Variants in CPE observed in about 807,000 individuals in gnomAD.
CPE encodes carboxypeptidase E.
In CPE, 17 loss-of-function variants were observed where a neutral mutation model predicts 53.5. The ratio of observed to expected loss-of-function variants is 0.32; its 90% CI spans 0.22 to 0.48. CPE has a LOEUF of 0.48. Ranked by LOEUF, CPE falls within the 20% of genes least tolerant of loss-of-function variation. CPE has a pLI of 0.99. For missense variants in CPE, 524 were observed against 614.7 expected (o/e 0.85, Z 1.56); for synonymous variants, 226 against 228.8 (o/e 0.99, Z 0.11).
intron 1 of CPE, among the ~76,000 whole-genome samples, chr4:165,384,329 TC>T (rs1730552663): frequency 6.6e-6 from 1 of 152,226 alleles, no homozygotes; most frequent in Non-Finnish European, 1.5e-5. Flanking sequence ...GTATAAGATT[TC>T]CCAGGCTTTT....
intron 1 of CPE, among the ~76,000 whole-genome samples, chr4:165,391,693 G>A (rs1730682036): frequency 6.6e-6 from 1 of 152,234 alleles, no homozygotes; most frequent in African/African-American, 2.4e-5. Context: ...TAGCGCGAAT[G>A]TACTTATTTA....
At chr4:165,460,855 G>A (rs1182973117) in intron 1 of CPE, among the ~76,000 whole-genome samples, 1 of 152,086 alleles carries the variant, frequency 6.6e-6, no homozygotes, top group Non-Finnish European at 1.5e-5. Flanking sequence ...ACACACTGGT[G>A]AGCTAAAATA....
chr4:165,481,393 C>T (rs1732409256), intron 3 of CPE, among the ~76,000 whole-genome samples: 1 of 152,056 alleles, frequency 6.6e-6, no homozygotes, highest in Non-Finnish European at 1.5e-5. Context: ...ACCATCAAAC[C>T]CTACTGATGC....
At chr4:165,468,071 T>C (rs748513122) in intron 3 of CPE, among the ~76,000 whole-genome samples, 1 of 152,102 alleles carries the variant, frequency 6.6e-6, no homozygotes, top group African/African-American at 2.4e-5. Flanking sequence ...GGTGCAGATA[T>C]AGGGAGGAAC....
intron 1 of CPE, among the ~76,000 whole-genome samples, chr4:165,386,995 TA>T (rs1730604768): frequency 2.0e-5 from 3 of 152,244 alleles, no homozygotes; most frequent in Admixed American, 2.0e-4. Flanking sequence ...GAAACATGTT[TA>T]AATTTGCCCT....
chr4:165,482,486 T>A, intron 4 of CPE, 127 bp downstream of exon 4: 1 of 661,800 alleles, frequency 1.5e-6, no homozygotes, highest in Non-Finnish European at 2.7e-6. Context: ...AAGAAAGAAC[T>A]ATGTTTAACA....
At chr4:165,398,678 A>G (rs2126659859) in intron 1 of CPE, among the ~76,000 whole-genome samples, 1 of 152,306 alleles carries the variant, frequency 6.6e-6, no homozygotes, top group East Asian at 1.9e-4. Context: ...CTTGACTTGA[A>G]AATCCAATAT....
intron 1 of CPE, among the ~76,000 whole-genome samples, chr4:165,393,671 C>T (rs72701673): frequency 0.032 from 4,816 of 152,226 alleles, 131 homozygotes; most frequent in South Asian, 0.082. Flanking sequence ...ATAACTATTT[C>T]TTACTGGTCA....
intron 1 of CPE, among the ~76,000 whole-genome samples, chr4:165,396,966 C>T (rs1035267339): frequency 4.6e-5 from 7 of 151,576 alleles, no homozygotes; most frequent in Non-Finnish European, 7.4e-5. Flanking sequence ...GAGGCTGAGG[C>T]GGGAGGATGG....
chr4:165,407,970 T>C (rs1730979221), intron 1 of CPE, among the ~76,000 whole-genome samples: 2 of 152,044 alleles, frequency 1.3e-5, no homozygotes, highest in African/African-American at 4.8e-5. Context: ...CATGTGGCAC[T>C]GCACCTGGGG....
chr4:165,471,110 C>A (rs919998272), intron 3 of CPE, among the ~76,000 whole-genome samples: 1 of 152,122 alleles, frequency 6.6e-6, no homozygotes. Context: ...GGAGTGAGGA[C>A]AACTCCAAAA....
rs1295539764 is a variant in CPE at position 165,379,183 on chromosome 4, C to A, written c.-39C>A. ...GGCCGGGCAGACAAAAGAGGCCGCC[C>A]GCGTAGGAAGGCACGGCCGGCGGCG... On this transcript the variant is annotated 5_prime_UTR_variant, in exon 1 of 9. Coordinates refer to ENST00000402744, the MANE Select transcript of CPE (RefSeq NM_001873.4). This position sits in a 1 kb window ranked among gnomAD's most constrained non-coding sequence, Gnocchi z 6.0. The A allele has an allele frequency of 2.5e-6, 3 of 1,221,278 alleles. No homozygotes were observed. The highest frequency in any genetic ancestry group is 1.0e-6 in the Non-Finnish European group (1 of 982,758). The allele number at this position is 1,221,278 out of a possible 1,614,324, so 75.7% of individuals were successfully genotyped here.
rs1246334021 is a variant in CPE, at chr4:165,404,404, G to T, written c.307+24876G>T. 3 of 764,752 alleles carry T rather than the reference G, an allele frequency of 3.9e-6. No individual in the cohort carries two copies. The East Asian group carries it at 7.3e-5, about 19-fold the overall frequency. The allele number at this position is 764,752 out of a possible 1,614,324, so 47.4% of individuals were successfully genotyped here. On this transcript the variant is annotated intron_variant, in intron 1 of 8. Coordinates refer to ENST00000402744, the MANE Select transcript of CPE (RefSeq NM_001873.4). ...TCAGACTTGCTAAAATACCGTTCAT[G>T]TCAGAATTCAAATTCTTATTCTTCA...
intron 1 of CPE, among the ~76,000 whole-genome samples, chr4:165,409,067 G>A (rs927896124): frequency 1.3e-5 from 2 of 152,208 alleles, no homozygotes; most frequent in Non-Finnish European, 2.9e-5. Context: ...TATGCTTAGA[G>A]CAGCTAAGCT....
At chr4:165,398,384 A>G (rs891503124) in intron 1 of CPE, among the ~76,000 whole-genome samples, 3 of 152,198 alleles carry the variant, frequency 2.0e-5, no homozygotes, top group Non-Finnish European at 4.4e-5. Flanking sequence ...ATATATGTAT[A>G]TAGGTGTATG....
intron 3 of CPE, among the ~76,000 whole-genome samples, chr4:165,472,304 T>G (rs1413202562): frequency 6.6e-6 from 1 of 152,208 alleles, no homozygotes; most frequent in African/African-American, 2.4e-5. Flanking sequence ...CAAGAGTGCC[T>G]GCCAGAGTCC....
intron 1 of CPE, among the ~76,000 whole-genome samples, chr4:165,423,395 T>G (rs55830608): frequency 6.6e-6 from 1 of 151,862 alleles, no homozygotes; most frequent in Non-Finnish European, 1.5e-5. Context: ...TTTAAAAAAG[T>G]TTTATGCCTC....
chr4:165,486,960 G>C (rs555786507), intron 5 of CPE, among the ~76,000 whole-genome samples: 1 of 152,224 alleles, frequency 6.6e-6, no homozygotes, highest in South Asian at 2.1e-4. Context: ...ATTGACAATA[G>C]TATATTGCCA....
chr4:165,477,931 C>G (rs1732332069), intron 3 of CPE, among the ~76,000 whole-genome samples: 1 of 152,158 alleles, frequency 6.6e-6, no homozygotes, highest in Non-Finnish European at 1.5e-5. Context: ...CTCTCTTGCT[C>G]TCCCAGACTT....
Sources: allele counts gnomAD v4.1 joint callset (sites outside exome capture counted in the v4.1 genomes callset), GRCh38; gene constraint gnomAD v4.1.1; non-coding constraint Gnocchi (gnomAD v3.1); transcripts MANE v1.5; gene names NCBI Gene and HGNC (gene_info 2026-07-23, HGNC 2026-07-21).